The following CYP3A7 variants were observed in gnomAD, a reference collection of about 807,000 sequenced individuals.
CYP3A7 encodes cytochrome P450 3A7.
A neutral mutation model predicts 55.2 loss-of-function variants in CYP3A7; 45 were observed. The observed-to-expected ratio is 0.82, with a 90% CI of 0.64 to 1.05. The LOEUF (loss-of-function observed/expected upper bound fraction) is 1.05. CYP3A7 is among the 50% of genes least tolerant of loss of function. The pLI is 0.00. For missense variants in CYP3A7, 548 were observed against 605.3 expected (o/e 0.91, Z 0.99); for synonymous variants, 180 against 207.4 (o/e 0.87, Z 1.13).
chr7:99,718,685 G>A (rs750405320), intron 4 of CYP3A7, among the ~76,000 whole-genome samples: 5 of 151,910 alleles, frequency 3.3e-5, no homozygotes, highest in Non-Finnish European at 5.9e-5. Flanking sequence ...GAATTAAAAG[G>A]CATACAGATT....
Position 99,717,187 on chromosome 7 carries a change from T to C in CYP3A7, c.511A>G (p.Thr171Ala). Residue 171 changes from threonine (T) to alanine (A), a missense_variant, in exon 6 of 13, where the codon ACC (threonine) becomes GCC (alanine). Coordinates refer to ENST00000336374, the MANE Select transcript of CYP3A7 (RefSeq NM_000765.5). Reference sequence around the variant, plus strand: ...TGTGCTCCTACTTACTGTTTCAAGGTGACAGGCTTGCCTGTCTCTGCTTCC... The same window carrying C: ...TGTGCTCCTACTTACTGTTTCAAGGCGACAGGCTTGCCTGTCTCTGCTTCC... ...RREAETGKPV[T>A]LKHVFGAYSM... 5 of 1,613,924 alleles carry C rather than the reference T, an allele frequency of 3.1e-6. No individual in the cohort carries two copies. The highest frequency in any genetic ancestry group is 4.2e-6 in the Non-Finnish European group (5 of 1,179,836).
chr7:99,720,382 A>G lies in CYP3A7; in HGVS notation c.249T>C (p.Ala83=). 2 of 1,613,764 alleles carry G rather than the reference A, an allele frequency of 1.2e-6. No individual in the cohort carries two copies. The highest frequency in any genetic ancestry group is 4.5e-5 in the East Asian group (2 of 44,854). Residue 83 remains alanine (A), a synonymous_variant, in exon 4 of 13, where the codon GCT becomes GCC. Transcript: ENST00000336374. The part of the protein sequence containing the change: ...GIYDCQQPML[A]ITDPDMIKTV... ...TTTTGATCATGTCGGGATCTGTGAT[A>G]GCCAGCATAGGCTGTTGACAGTCAT...
chr7:99,718,558 C>CA (rs900112145), intron 4 of CYP3A7, among the ~76,000 whole-genome samples: 3 of 151,918 alleles, frequency 2.0e-5, no homozygotes, highest in Non-Finnish European at 4.4e-5. Flanking sequence ...AGAGAATCTA[C>CA]AAAAAAACCC....
At position 99,710,876 on chromosome 7, in the gene CYP3A7, C is replaced by A. The variant is rs746277130; in HGVS notation, c.882G>T (p.Glu294Asp). 7.0e-5 allele frequency: 113 copies of A among 1,613,582 alleles called. No individual in the cohort carries two copies. The highest frequency in any genetic ancestry group is 9.2e-5 in the Non-Finnish European group (108 of 1,179,778). ...SETHKALSDL[E>D]LMAQSIIFIF... The stretch of plus-strand genomic sequence containing the variant: ...TAAAGATAATTGATTGGGCCATGAG[C>A]TCCAGATCAGACAGAGCTGAAAGGA... The change falls in exon 10 of 13, where the codon GAG becomes GAT. Residue 294 changes from glutamate to aspartate, a missense_variant. Glu to Asp is a conservative substitution (Grantham distance 45, BLOSUM62 2). Coordinates refer to ENST00000336374, the MANE Select transcript of CYP3A7 (RefSeq NM_000765.5).
intron 1 of CYP3A7, among the ~76,000 whole-genome samples, chr7:99,731,610 A>C (rs1206928640): frequency 6.6e-6 from 1 of 152,210 alleles, no homozygotes; most frequent in Non-Finnish European, 1.5e-5. Flanking sequence ...ACTCAGTCAC[A>C]GGGGGTCACT....
intron 10 of CYP3A7, among the ~76,000 whole-genome samples, chr7:99,710,125 C>T (rs1342869119): frequency 6.6e-6 from 1 of 152,180 alleles, no homozygotes; most frequent in Non-Finnish European, 1.5e-5. Flanking sequence ...GCCCAAAAGC[C>T]ATGTCTCTTC....
intron 1 of CYP3A7, among the ~76,000 whole-genome samples, chr7:99,731,848 G>A (rs560092197): frequency 1.3e-5 from 2 of 152,292 alleles, no homozygotes; most frequent in South Asian, 4.1e-4. Context: ...CTCAGTCTCT[G>A]TGGTCAGAGG....
chr7:99,735,067 C>T lies in CYP3A7; in HGVS notation c.27G>A (p.Val9=), dbSNP rs1364148162. Residue 9 remains valine, a synonymous_variant, in exon 1 of 13, where the codon GTG becomes GTA. Coordinates refer to ENST00000336374, the MANE Select transcript of CYP3A7 (RefSeq NM_000765.5). ...TGACAGCCAGGAGAAGCCAGGTTTCCACGGCCAAGTTTGGGATGAGATCCA... is the reference window on the plus strand; with the variant it reads ...TGACAGCCAGGAGAAGCCAGGTTTCTACGGCCAAGTTTGGGATGAGATCCA... MDLIPNLA[V]ETWLLLAVSL... The T allele has an allele frequency of 6.2e-7, 1 of 1,614,084 alleles. No individual in the cohort carries two copies. The highest frequency in any genetic ancestry group is 2.2e-5 in the East Asian group (1 of 44,852).
chr7:99,727,523 A>G (rs1814459325), intron 2 of CYP3A7, among the ~76,000 whole-genome samples: 1 of 151,918 alleles, frequency 6.6e-6, no homozygotes. Context: ...CTGATACCAC[A>G]CCTTATCCCC....
intron 2 of CYP3A7, among the ~76,000 whole-genome samples, chr7:99,725,398 G>T (rs1258022932): frequency 6.6e-6 from 1 of 152,214 alleles, no homozygotes; most frequent in African/African-American, 2.4e-5. Flanking sequence ...AGGCGGCCAA[G>T]TGACAATGCA....
intron 12 of CYP3A7, among the ~76,000 whole-genome samples, chr7:99,707,363 A>G (rs1354798174): frequency 6.6e-6 from 1 of 152,242 alleles, no homozygotes. Flanking sequence ...TGTTCCAGGC[A>G]TCATGAATTT....
intron 10 of CYP3A7, among the ~76,000 whole-genome samples, chr7:99,709,611 C>T (rs1813667377): frequency 6.6e-6 from 1 of 151,964 alleles, no homozygotes; most frequent in African/African-American, 2.4e-5. Flanking sequence ...TGATTGTCAC[C>T]ATTCAAAAAA....
chr7:99,729,057 G>A (rs1814525619), intron 2 of CYP3A7, among the ~76,000 whole-genome samples: 1 of 152,092 alleles, frequency 6.6e-6, no homozygotes, highest in Non-Finnish European at 1.5e-5. Context: ...AAAGCTTAAA[G>A]ATAAAGACCA....
intron 2 of CYP3A7, among the ~76,000 whole-genome samples, chr7:99,727,877 T>C (rs1357545706): frequency 6.6e-6 from 1 of 152,214 alleles, no homozygotes; most frequent in African/African-American, 2.4e-5. Context: ...TTCTTCACTA[T>C]GCAAGTGTCC....
intron 1 of CYP3A7, among the ~76,000 whole-genome samples, chr7:99,732,690 C>A (rs139382491): frequency 1.9e-4 from 29 of 152,278 alleles, no homozygotes; most frequent in African/African-American, 5.8e-4. Context: ...AGCCAGCCAT[C>A]AATTCAACCA....
At position 99,720,342 on chromosome 7, in the gene CYP3A7, C is replaced by T; in HGVS notation, c.289G>A (p.Glu97Lys). The T allele has an allele frequency of 6.2e-7, 1 of 1,613,526 alleles. No homozygotes were observed. The highest frequency in any genetic ancestry group is 1.1e-5 in the South Asian group (1 of 91,060). ...CGGTTTGTGAAGACAGAATAACATT[C>T]TTTCACTAGCACTGTTTTGATCATG... ...PDMIKTVLVK[E>K]CYSVFTNRRP... Residue 97 changes from glutamate to lysine, a missense_variant, in exon 4 of 13, where the codon GAA (glutamate) becomes AAA (lysine). Physicochemically the swap from Glu to Lys is moderately conservative, Grantham distance 56. Transcript: ENST00000336374.
chr7:99,717,288 C>A (rs1813995847), intron 5 of CYP3A7, 23 bp from the exon 6 acceptor site: 1 of 1,613,688 alleles, frequency 6.2e-7, no homozygotes, highest in Non-Finnish European at 8.5e-7. Flanking sequence ...CACAACACCA[C>A]CCATAGTTAA....
chr7:99,709,175 C>T lies in CYP3A7; in HGVS notation c.1113G>A (p.Met371Ile). The T allele has an allele frequency of 4.3e-6, 7 of 1,613,978 alleles. No homozygotes were observed. Among genetic ancestry groups the T allele is most frequent in the Non-Finnish European group, 5.9e-6 (7 of 1,179,928 alleles). Residue 371 changes from methionine (M) to isoleucine (I), a missense_variant, in exon 11 of 13, where the codon ATG becomes ATA. Met to Ile is a conservative substitution (Grantham distance 10). Transcript: ENST00000336374. ...CTTTTTTGCAGACCCTCTCAAGTCT[C>T]ATAGCAACTGGGAATAATCTGAGTG... is the stretch of plus-strand genomic sequence containing the variant. ...NETLRLFPVA[M>I]RLERVCKKDV... is the part of the protein sequence containing the mutation.
chr7:99,720,626 CA>C, intron 3 of CYP3A7: 1 of 506,294 alleles, frequency 2.0e-6, no homozygotes, highest in South Asian at 2.5e-5. Context: ...TAATGTGGGC[CA>C]AACAGGGAAG....
Sources: allele counts gnomAD v4.1 joint callset (sites outside exome capture counted in the v4.1 genomes callset), GRCh38; gene constraint gnomAD v4.1.1; transcripts MANE v1.5; gene names NCBI Gene and HGNC (gene_info 2026-07-23, HGNC 2026-07-21).